Variants in SOBP observed in about 807,000 individuals in gnomAD.
SOBP encodes the protein sine oculis binding protein homolog, also known as sine oculis-binding protein homolog.
A neutral mutation model predicts 53.6 loss-of-function variants in SOBP; 4 were observed. The observed-to-expected ratio is 0.07, with a 90% CI of 0.04 to 0.17. SOBP has a LOEUF of 0.17. SOBP is among the 10% of genes least tolerant of loss of function. The pLI is 1.00. For missense variants in SOBP, 1,088 were observed against 1,204.7 expected, an observed-to-expected ratio of 0.90 and a Z score of 1.43; for synonymous variants, 584 against 522.6, an observed-to-expected ratio of 1.12 and a Z score of -1.60.
intron 1 of SOBP, among the ~76,000 whole-genome samples, chr6:107,491,961 C>T (rs562931591): frequency 1.5e-3 from 222 of 152,242 alleles, no homozygotes; most frequent in African/African-American, 5.0e-3. Flanking sequence ...TGTATGCGTA[C>T]CTAGGTGCAT....
chr6:107,541,873 C>T (rs1353331073), intron 4 of SOBP, among the ~76,000 whole-genome samples: 1 of 151,738 alleles, frequency 6.6e-6, no homozygotes, highest in Non-Finnish European at 1.5e-5. Context: ...GGAATTTGCC[C>T]GACAGGAGAT....
intron 6 of SOBP, among the ~76,000 whole-genome samples, chr6:107,652,963 T>C (rs1367002198): frequency 6.6e-6 from 1 of 152,156 alleles, no homozygotes; most frequent in Non-Finnish European, 1.5e-5. Flanking sequence ...TAAACATAAC[T>C]TTTATATGCA....
At chr6:107,593,605 T>A (rs1016568573) in intron 5 of SOBP, among the ~76,000 whole-genome samples, 2 of 152,194 alleles carry the variant, frequency 1.3e-5, no homozygotes, top group East Asian at 3.8e-4. Context: ...CCTCAGCGTC[T>A]TTATCAATAT....
intron 5 of SOBP, among the ~76,000 whole-genome samples, chr6:107,620,007 T>C (rs750657001): frequency 5.9e-5 from 9 of 152,216 alleles, no homozygotes; most frequent in Admixed American, 1.3e-4. Flanking sequence ...GGTGAGACTT[T>C]TGGTCTTCCT....
intron 4 of SOBP, among the ~76,000 whole-genome samples, chr6:107,586,157 GTGTAAA>G (rs1363309165): frequency 1.3e-5 from 2 of 152,204 alleles, no homozygotes; most frequent in Non-Finnish European, 2.9e-5. Context: ...TTTTAATGCA[GTGTAAA>G]ATGGAATATG....
At chr6:107,644,004 C>A (rs1440397130) in intron 6 of SOBP, among the ~76,000 whole-genome samples, 1 of 152,166 alleles carries the variant, frequency 6.6e-6, no homozygotes, top group African/African-American at 2.4e-5. Flanking sequence ...CTAACCTGAA[C>A]CGTATTGAGT....
At chr6:107,564,416 T>C (rs1211964418) in intron 4 of SOBP, among the ~76,000 whole-genome samples, 1 of 152,232 alleles carries the variant, frequency 6.6e-6, no homozygotes, top group East Asian at 1.9e-4. Context: ...TAATAAGGGC[T>C]GGATAATTTT....
rs1355021284 is a variant in SOBP at position 107,616,079 on chromosome 6, G to C, written c.670-17435G>C. The stretch of plus-strand genomic sequence containing the variant: ...AAAGGATGCCTACTCATTGAGGAAG[G>C]GGGGTGGGGGGGGGGCGGGGGGGCG... On this transcript the variant is annotated intron_variant, in intron 5 of 6. Transcript: ENST00000317357. 7.5e-5 allele frequency among the ~76,000 whole-genome samples: 8 copies of C among 106,910 alleles called. 1 individual carries two copies. The highest frequency in any genetic ancestry group is 3.5e-4 in the African/African-American group (8 of 23,178). 70.1% of individuals were successfully genotyped at this position (106,910 alleles called of 152,430 possible).
At chr6:107,651,747 G>A (rs2818269) in intron 6 of SOBP, among the ~76,000 whole-genome samples, 13,799 of 152,236 alleles carry the variant, frequency 0.091, 1,730 homozygotes, top group African/African-American at 0.27. Flanking sequence ...AGGACAGGCT[G>A]ACTCTCTTGG....
chr6:107,617,087 A>G (rs1402694446), intron 5 of SOBP, among the ~76,000 whole-genome samples: 3 of 152,154 alleles, frequency 2.0e-5, no homozygotes, highest in Non-Finnish European at 4.4e-5. Flanking sequence ...TCACCCGCAC[A>G]CCTAAAGTCC....
chr6:107,601,273 C>T (rs1185443243), intron 5 of SOBP, among the ~76,000 whole-genome samples: 1 of 152,160 alleles, frequency 6.6e-6, no homozygotes, highest in African/African-American at 2.4e-5. Flanking sequence ...TCTCTGTGGC[C>T]CCGTCCCTAA....
chr6:107,583,682 C>T (rs925787926), intron 4 of SOBP, among the ~76,000 whole-genome samples: 3 of 152,118 alleles, frequency 2.0e-5, no homozygotes, highest in Non-Finnish European at 4.4e-5. Flanking sequence ...CATGCCACCA[C>T]ACCTGGCTAG....
At chr6:107,577,703 A>G (rs536923234) in intron 4 of SOBP, among the ~76,000 whole-genome samples, 136 of 152,240 alleles carry the variant, frequency 8.9e-4, no homozygotes, top group African/African-American at 3.0e-3. Context: ...GTTTGGTAGG[A>G]TGTGTCTTTT....
chr6:107,505,289 GA>G (rs1321571007), intron 2 of SOBP, among the ~76,000 whole-genome samples: 5 of 151,102 alleles, frequency 3.3e-5, no homozygotes, highest in Admixed American at 6.6e-5. Flanking sequence ...GTTGTACATG[GA>G]AAAAAAGGTT....
rs1402540139 is a variant in SOBP, at chr6:107,635,242, G to C, written c.2398G>C (p.Asp800His). 1 of 1,613,904 alleles carries C rather than the reference G, an allele frequency of 6.2e-7. No individual in the cohort carries two copies. The highest frequency in any genetic ancestry group is 1.7e-5 in the Admixed American group (1 of 60,014). Residue 800 changes from aspartate to histidine, a missense_variant, in exon 6 of 7, where the codon GAC (aspartate) becomes CAC (histidine). Physicochemically the swap from Asp to His is moderately conservative, Grantham distance 81. This residue lies in a region of SOBP where 665 missense variants were observed against 629.7 expected (regional missense o/e 1.06). Coordinates refer to ENST00000317357, the MANE Select transcript of SOBP (RefSeq NM_018013.4). This position sits in a 1 kb window ranked among gnomAD's most constrained non-coding sequence, Gnocchi z 4.5. The part of the protein sequence containing the change: ...LMGEEALAGG[D>H]KSDPNLNNPA... ...GGGCGAGGAGGCCCTGGCGGGGGGC[G>C]ACAAGTCAGACCCGAACCTTAATAA...
chr6:107,529,130 C>T (rs1196661790), intron 3 of SOBP, among the ~76,000 whole-genome samples: 2 of 152,162 alleles, frequency 1.3e-5, no homozygotes, highest in African/African-American at 4.8e-5. Context: ...GGGAATTGTA[C>T]AGAAACTCCT....
Position 107,635,604 on chromosome 6 carries a change from G to C in SOBP, c.*3+135G>C. 8.1e-7 allele frequency: 1 copy of C among 1,228,656 alleles called. No individual in the cohort carries two copies. The highest frequency in any genetic ancestry group is 1.2e-6 in the Non-Finnish European group (1 of 864,370). 76.1% of individuals were successfully genotyped at this position (1,228,656 alleles called of 1,614,324 possible). ...TTTATATTGCACACGGTGTGGTCAC[G>C]CTATCAACATTCTGAGCCAGCAGCT... On this transcript the variant is annotated intron_variant, in intron 6 of 6. Coordinates refer to ENST00000317357, the MANE Select transcript of SOBP (RefSeq NM_018013.4). This position sits in a 1 kb window ranked among gnomAD's most constrained non-coding sequence, Gnocchi z 4.5.
chr6:107,569,401 A>G (rs1785006616), intron 4 of SOBP, among the ~76,000 whole-genome samples: 1 of 152,254 alleles, frequency 6.6e-6, no homozygotes, highest in African/African-American at 2.4e-5. Context: ...CCCAGAGGGC[A>G]TAGTGCATGT....
intron 3 of SOBP, among the ~76,000 whole-genome samples, chr6:107,509,634 C>T (rs535159507): frequency 6.6e-6 from 1 of 152,236 alleles, no homozygotes; most frequent in South Asian, 2.1e-4. Flanking sequence ...TGCCAAAAAA[C>T]CTGCCCTGGA....
Sources: allele counts gnomAD v4.1 joint callset (sites outside exome capture counted in the v4.1 genomes callset), GRCh38; gene constraint gnomAD v4.1.1; regional missense constraint gnomAD v4.1.1; non-coding constraint Gnocchi (gnomAD v3.1); transcripts MANE v1.5; gene names NCBI Gene and HGNC (gene_info 2026-07-23, HGNC 2026-07-21).